The following ARHGAP6 variants were observed in gnomAD, a reference collection of about 807,000 sequenced individuals.
The protein encoded by ARHGAP6 is Rho GTPase activating protein 6.
Under a neutral mutation model 55.7 loss-of-function variants are expected in ARHGAP6, and 16 were observed. The observed-to-expected ratio is 0.29, with a 90% CI of 0.19 to 0.44. The LOEUF is 0.44. Ranked by LOEUF, ARHGAP6 falls within the 20% of genes least tolerant of loss-of-function variation. The pLI, the probability that ARHGAP6 is intolerant of heterozygous loss-of-function variation, is 1.00. For synonymous variants in ARHGAP6, 382 were observed against 360.9 expected, an observed-to-expected ratio of 1.06 and a Z score of -0.66; for missense variants, 698 against 808.9, an observed-to-expected ratio of 0.86 and a Z score of 1.66.
At chrX:11,170,329 G>C (rs755553759) in intron 8 of ARHGAP6, among the ~76,000 whole-genome samples, 1 of 111,689 alleles carries the variant, frequency 9.0e-6, no homozygotes, top group Admixed American at 9.5e-5. Flanking sequence ...TCTGGGCTAG[G>C]GGGTAATTTT....
chrX:11,641,533 A>T (rs1203873999), intron 1 of ARHGAP6, among the ~76,000 whole-genome samples: 1 of 111,897 alleles, frequency 8.9e-6, no homozygotes, highest in Non-Finnish European at 1.9e-5. Context: ...GTCGCATCAC[A>T]CATTAACAGC....
At chrX:11,447,422 G>T (rs183324108) in intron 1 of ARHGAP6, among the ~76,000 whole-genome samples, 1 of 112,142 alleles carries the variant, frequency 8.9e-6, no homozygotes, top group East Asian at 2.8e-4. Flanking sequence ...TAGATCAGGG[G>T]TCAACAAACT....
intron 1 of ARHGAP6, among the ~76,000 whole-genome samples, chrX:11,493,034 G>A (rs755495847): frequency 1.8e-5 from 2 of 112,129 alleles, no homozygotes; most frequent in South Asian, 3.7e-4. Context: ...CTGACTGCCT[G>A]GAGCACAGCT....
intron 1 of ARHGAP6, among the ~76,000 whole-genome samples, chrX:11,329,340 C>T (rs758972329): frequency 4.5e-5 from 5 of 111,825 alleles, no homozygotes; most frequent in African/African-American, 1.6e-4. Context: ...GTTTGACATA[C>T]TTAGCTGTAG....
intron 1 of ARHGAP6, among the ~76,000 whole-genome samples, chrX:11,452,219 C>T (rs910970105): frequency 1.8e-5 from 2 of 112,306 alleles, no homozygotes; most frequent in African/African-American, 3.2e-5. Context: ...ACGATCTCGG[C>T]TTACTGCAAG....
chrX:11,411,183 TTATATATATATATA>T (rs201875323), intron 1 of ARHGAP6, among the ~76,000 whole-genome samples: 2,753 of 31,829 alleles, frequency 0.086, 124 homozygotes, highest in Middle Eastern at 0.28. Context: ...CAGACATTAT[TTATATATATATATA>T]TATATATATA....
intron 1 of ARHGAP6, among the ~76,000 whole-genome samples, chrX:11,372,771 C>CAAAAAAAAAAA (rs1171647934): frequency 1.3e-3 from 18 of 14,330 alleles, no homozygotes; most frequent in Non-Finnish European, 1.7e-3. Context: ...GACTCCATCT[C>CAAAAAAAAAAA]AAAAAAAAAA....
intron 1 of ARHGAP6, among the ~76,000 whole-genome samples, chrX:11,657,162 T>C (rs1220656900): frequency 9.0e-6 from 1 of 111,130 alleles, no homozygotes; most frequent in Non-Finnish European, 1.9e-5. Context: ...TTTTATTCTG[T>C]ACACTCTGAG....
At position 11,139,633 on chromosome X, in the gene ARHGAP6, G is replaced by A. The variant is rs778377264; in HGVS notation, c.2258-103C>T. ...CTTCCCACTTCTACGACGTCCCCCC[G>A]GACTTCTAAAACTGAAACAGCACAG... On this transcript the variant is annotated intron_variant, in intron 12 of 12. Coordinates refer to ENST00000337414, the MANE Select transcript of ARHGAP6 (RefSeq NM_013427.3). 6.5e-5 allele frequency: 59 copies of A among 911,076 alleles called. No individual in the cohort carries two copies. In the African/African-American group the frequency reaches 7.7e-4, roughly 12 times the overall value. The allele number at this position is 911,076 out of a possible 1,213,427, so 75.1% of individuals were successfully genotyped here.
intron 1 of ARHGAP6, among the ~76,000 whole-genome samples, chrX:11,464,212 A>G (rs1429838642): frequency 8.9e-6 from 1 of 112,256 alleles, no homozygotes; most frequent in African/African-American, 3.2e-5. Context: ...TCTCCAAAAA[A>G]GGAATATTTA....
rs1486170638 is a variant in ARHGAP6 at position 11,139,381 on chromosome X, C to T, written c.2407G>A (p.Ala803Thr). Residue 803 changes from alanine (A) to threonine (T), a missense_variant, in exon 13 of 13, where the codon GCA becomes ACA. Coordinates refer to ENST00000337414, the MANE Select transcript of ARHGAP6 (RefSeq NM_013427.3). ...DTQGARRTQA[A>T]APATEGRAHP... The stretch of plus-strand genomic sequence containing the variant: ...GCCCTGCCCTCCGTCGCGGGGGCTG[C>T]GGCCTGAGTCCTCCGAGCCCCCTGC... The T allele has an allele frequency of 6.8e-6, 8 of 1,181,042 alleles. No homozygotes were observed. The highest frequency in any genetic ancestry group is 6.2e-5 in the East Asian group (2 of 32,403).
At chrX:11,198,413 G>A (rs967307052) in intron 2 of ARHGAP6, among the ~76,000 whole-genome samples, 4 of 111,708 alleles carry the variant, frequency 3.6e-5, no homozygotes, top group African/African-American at 1.3e-4. Flanking sequence ...ATCTACTAGG[G>A]CCTGTCATGA....
At chrX:11,382,693 C>T (rs1399315739) in intron 1 of ARHGAP6, among the ~76,000 whole-genome samples, 8 of 67,930 alleles carry the variant, frequency 1.2e-4, no homozygotes, top group African/African-American at 4.5e-4. Context: ...GAATAAATAT[C>T]ACCTGCATGT....
intron 1 of ARHGAP6, among the ~76,000 whole-genome samples, chrX:11,372,120 C>T (rs1456711660): frequency 8.9e-6 from 1 of 112,212 alleles, no homozygotes; most frequent in Non-Finnish European, 1.9e-5. Flanking sequence ...TATATCCAAG[C>T]TACTTTTGAA....
At chrX:11,324,139 C>T (rs1313835698) in intron 1 of ARHGAP6, among the ~76,000 whole-genome samples, 1 of 111,946 alleles carries the variant, frequency 8.9e-6, no homozygotes, top group East Asian at 2.8e-4. Flanking sequence ...CAGCTGCAGA[C>T]AAGAGCAGAG....
rs1039836921 is a variant in ARHGAP6, at chrX:11,571,168, A to C, written c.588+93073T>G. On this transcript the variant is annotated intron_variant, in intron 1 of 12. Coordinates refer to ENST00000337414, the MANE Select transcript of ARHGAP6 (RefSeq NM_013427.3). ...AATTACTCAGTCTGTGGTATTTTGTAATGGCAGCACAAATGAACTAAGACA... is the reference window on the plus strand; with the variant it reads ...AATTACTCAGTCTGTGGTATTTTGTCATGGCAGCACAAATGAACTAAGACA... Among the ~76,000 whole-genome samples the C allele has an allele frequency of 1.3e-4, 15 of 112,116 alleles. No homozygotes were observed. In the East Asian group the frequency reaches 2.0e-3, roughly 15 times the overall value.
chrX:11,573,624 C>T (rs1183072461), intron 1 of ARHGAP6, among the ~76,000 whole-genome samples: 1 of 110,642 alleles, frequency 9.0e-6, no homozygotes, highest in East Asian at 2.8e-4. Flanking sequence ...TAGCGTGATG[C>T]CTCCAGCTTT....
At chrX:11,257,263 C>A (rs1241622484) in intron 1 of ARHGAP6, among the ~76,000 whole-genome samples, 1 of 112,007 alleles carries the variant, frequency 8.9e-6, no homozygotes, top group African/African-American at 3.2e-5. Flanking sequence ...AATTACATAC[C>A]TATTCTTTAA....
intron 2 of ARHGAP6, among the ~76,000 whole-genome samples, chrX:11,213,134 A>G (rs1258434775): frequency 8.9e-6 from 1 of 112,663 alleles, no homozygotes; most frequent in Non-Finnish European, 1.9e-5. Flanking sequence ...CTGAGGAATG[A>G]AGGCCAAGTG....
Sources: allele counts gnomAD v4.1 joint callset (sites outside exome capture counted in the v4.1 genomes callset), GRCh38; gene constraint gnomAD v4.1.1; transcripts MANE v1.5; gene names NCBI Gene and HGNC (gene_info 2026-07-23, HGNC 2026-07-21).